The following NLRP2 variants were observed in gnomAD, a reference collection of about 807,000 sequenced individuals.
NLRP2 encodes the protein NLR family pyrin domain containing 2.
Under a neutral mutation model 97.2 loss-of-function variants are expected in NLRP2, and 107 were observed. The ratio of observed to expected loss-of-function variants is 1.10; its 90% confidence interval spans 0.94 to 1.29. The LOEUF is 1.29. Among genes scored for constraint, NLRP2 ranks in the 50% most tolerant of loss-of-function variants. The probability of loss-of-function intolerance (pLI) is 0.00; values close to 1 mark genes in which losing one functional copy is unlikely to be tolerated. For missense variants in NLRP2, 1,495 were observed against 1,330.3 expected, an observed-to-expected ratio of 1.12 and a Z score of -1.93; for synonymous variants, 663 against 551.5, an observed-to-expected ratio of 1.20 and a Z score of -2.83.
In NLRP2 at chr19:54,994,405, T is replaced by G; in HGVS notation, c.2845T>G (p.Leu949Val). The change falls in exon 11 of 13, where the codon TTG (leucine) becomes GTG (valine). Residue 949 changes from leucine (L) to valine (V), a missense_variant. Physicochemically the swap from Leu to Val is conservative, Grantham distance 32 (BLOSUM62 1). Transcript: ENST00000448584. ...VKGMKFLCEA[L>V]RKPLCNLRCL... ...GGGAATGAAGTTCCTGTGTGAGGCT[T>G]TGAGGAAACCACTGTGCAACTTGAG... 1.9e-6 allele frequency: 3 copies of G among 1,613,416 alleles called. No individual in the cohort carries two copies. Among genetic ancestry groups the G allele is most frequent in the Non-Finnish European group, 2.5e-6 (3 of 1,180,034 alleles).
At chr19:54,984,427 A>G (rs1190896097) in intron 6 of NLRP2, among the ~76,000 whole-genome samples, 2 of 133,748 alleles carry the variant, frequency 1.5e-5, no homozygotes, top group East Asian at 4.4e-4. Context: ...GGCATGAGTT[A>G]CCACACGCCC....
rs1044701142 is a variant in NLRP2, at chr19:54,966,825, CTTTTTTTTTTTTTTTT to C, written c.-18+369_-18+384del. On this transcript the variant is annotated intron_variant, in intron 1 of 12. Transcript: ENST00000448584. Reference sequence around the variant, plus strand: ...ACAGGCGTGAGCCACCGCGCCCAGCCTTTTTTTTTTTTTTTTTTTTTTTTTTCTTCTCTTTTTTGAG... The same window carrying C: ...ACAGGCGTGAGCCACCGCGCCCAGCCTTTTTTTTTTCTTCTCTTTTTTGAG... Among the ~76,000 whole-genome samples the C allele has an allele frequency of 8.7e-3, 654 of 75,012 alleles. 7 individuals are homozygous for C. Among genetic ancestry groups the C allele is most frequent in the African/African-American group, 0.036 (627 of 17,444 alleles). The allele number at this position is 75,012 out of a possible 152,430, so 49.2% of individuals were successfully genotyped here. A position where few individuals can be genotyped will look rare whatever the true frequency, so the allele number is the denominator to read the frequency against.
rs572288840 is a variant in NLRP2, at chr19:54,979,991, G to A, written c.398-1626G>A. 9.2e-5 allele frequency among the ~76,000 whole-genome samples: 14 copies of A among 151,458 alleles called. No individual in the cohort carries two copies. The South Asian group carries it at 2.9e-3, about 32-fold the overall frequency. ...AGGGTTTCACCGTGTTAGTCAGGATGGTCTGGATCTCCTAACCTCGTGATC... is the reference window on the plus strand; with the variant it reads ...AGGGTTTCACCGTGTTAGTCAGGATAGTCTGGATCTCCTAACCTCGTGATC... On this transcript the variant is annotated intron_variant, in intron 4 of 12. Coordinates refer to ENST00000448584, the MANE Select transcript of NLRP2 (RefSeq NM_017852.5).
chr19:54,981,959 G>A (rs969892164), intron 5 of NLRP2, among the ~76,000 whole-genome samples: 4 of 152,046 alleles, frequency 2.6e-5, no homozygotes, highest in African/African-American at 9.7e-5. Context: ...TTTATTTTTA[G>A]TAGAGACAAG....
chr19:54,977,926 C>T (rs1176042530), intron 4 of NLRP2, 103 bp downstream of exon 4: 21 of 1,068,800 alleles, frequency 2.0e-5, no homozygotes, highest in African/African-American at 3.1e-5. Flanking sequence ...CCAATCTTTT[C>T]CTCCACTATT....
chr19:54,988,729 C>T (rs754893327), intron 8 of NLRP2, among the ~76,000 whole-genome samples: 9 of 152,038 alleles, frequency 5.9e-5, no homozygotes, highest in African/African-American at 9.7e-5. Flanking sequence ...CATGTTGTTC[C>T]GGCTGGTCTT....
chr19:54,968,713 T>TTTTTTTTTTTTTTA (rs1454134577), intron 1 of NLRP2, among the ~76,000 whole-genome samples: 1 of 135,664 alleles, frequency 7.4e-6, no homozygotes, highest in African/African-American at 2.7e-5. Flanking sequence ...TTTTTTTTTT[T>TTTTTTTTTTTTTTA]GAGACAGTTT....
In NLRP2 at chr19:54,967,098, C is replaced by T. The variant is rs985907268; in HGVS notation, c.-18+631C>T. On this transcript the variant is annotated intron_variant, in intron 1 of 12. Coordinates refer to ENST00000448584, the MANE Select transcript of NLRP2 (RefSeq NM_017852.5). The stretch of plus-strand genomic sequence containing the variant: ...CCGAAGCTGGTCTCTAACTCCTGGG[C>T]TCAAGCGATCTTCCTGCCTCAGACT... Among the ~76,000 whole-genome samples the T allele has an allele frequency of 2.7e-5, 4 of 150,378 alleles. No individual in the cohort carries two copies. The Admixed American group carries it at 2.7e-4, about 10-fold the overall frequency.
chr19:54,974,306 A>G lies in NLRP2; in HGVS notation c.281-194A>G. The G allele has an allele frequency of 7.9e-6, 5 of 633,094 alleles. 1 individual carries two copies. The highest frequency in any genetic ancestry group is 1.1e-5 in the Non-Finnish European group (4 of 357,620). The allele number at this position is 633,094 out of a possible 1,614,324, so 39.2% of individuals were successfully genotyped here. A position where few individuals can be genotyped will look rare whatever the true frequency, so the allele number is the denominator to read the frequency against. On this transcript the variant is annotated intron_variant, in intron 2 of 12. Coordinates refer to ENST00000448584, the MANE Select transcript of NLRP2 (RefSeq NM_017852.5). ...GAGGCAGAGGTTGCAGTGAGCCAAGATTGTGCCACTCCAGCCTGGGCAACA... is the reference window on the plus strand; with the variant it reads ...GAGGCAGAGGTTGCAGTGAGCCAAGGTTGTGCCACTCCAGCCTGGGCAACA...
At chr19:54,974,962 G>A (rs1235664012) in intron 3 of NLRP2, among the ~76,000 whole-genome samples, 1 of 151,814 alleles carries the variant, frequency 6.6e-6, no homozygotes, top group East Asian at 1.9e-4. Context: ...ACCAGGCCCG[G>A]CTAATTTTTT....
chr19:54,974,146 G>A (rs890181609), intron 2 of NLRP2: 1 of 638,232 alleles, frequency 1.6e-6, no homozygotes, highest in Non-Finnish European at 2.9e-6. Flanking sequence ...ACAAGGTCAG[G>A]AGTCTGAGAC....
At chr19:54,973,346 T>TTA (rs1347269517) in intron 2 of NLRP2, among the ~76,000 whole-genome samples, 2 of 135,804 alleles carry the variant, frequency 1.5e-5, no homozygotes, top group Non-Finnish European at 3.1e-5. Context: ...GGGTGAGGGT[T>TTA]TTTTTTTTTT....
Position 54,983,692 on chromosome 19 carries a change from ATGTCACTGCGTC to A in NLRP2, c.1997_2008del (p.Val666_Ser669del). ...GTAATAAAGGAGAATCTCCCGGAGA[ATGTCACTGCGTC>A]TGAATCAGACGCCGAGGTTGAGAGG... On this transcript the variant is annotated inframe_deletion, in exon 6 of 13. Transcript: ENST00000448584. The A allele has an allele frequency of 5.6e-6, 9 of 1,613,530 alleles. No individual in the cohort carries two copies. The highest frequency in any genetic ancestry group is 7.6e-6 in the Non-Finnish European group (9 of 1,180,014).
chr19:55,000,225 T>G (rs952840532), intron 12 of NLRP2, among the ~76,000 whole-genome samples: 2 of 139,438 alleles, frequency 1.4e-5, no homozygotes, highest in African/African-American at 5.3e-5. Context: ...TGCAGTGAGC[T>G]GAGATGGTAC....
rs540241222 is a variant in NLRP2 at position 54,987,893 on chromosome 19, A to G, written c.2366+1578A>G. Among the ~76,000 whole-genome samples the G allele has an allele frequency of 1.1e-3, 161 of 151,638 alleles. 3 individuals carry two copies. Among genetic ancestry groups the G allele is most frequent in the Admixed American group, 3.8e-3 (58 of 15,186 alleles). ...CCACGTCTACTAAAAATACAAAAACATTAGCTGGGCATGGTGGCGCGTGCC... is the reference window on the plus strand; with the variant it reads ...CCACGTCTACTAAAAATACAAAAACGTTAGCTGGGCATGGTGGCGCGTGCC... On this transcript the variant is annotated intron_variant, in intron 8 of 12. Coordinates refer to ENST00000448584, the MANE Select transcript of NLRP2 (RefSeq NM_017852.5).
At position 54,982,448 on chromosome 19, in the gene NLRP2, C is replaced by A; in HGVS notation, c.750C>A (p.Leu250=). Residue 250 remains leucine, a synonymous_variant, in exon 6 of 13, where the codon CTC becomes CTA. Coordinates refer to ENST00000448584, the MANE Select transcript of NLRP2 (RefSeq NM_017852.5). ...CGTTCTACCTCAGCTGCAGGGAGCT[C>A]AGCCGCCTGGGCCCGTGCAGTTTTG... ...KYAFYLSCRE[L]SRLGPCSFAE... is the part of the protein sequence containing the mutation. The A allele has an allele frequency of 6.2e-7, 1 of 1,614,194 alleles. No homozygotes were observed. Among genetic ancestry groups the A allele is most frequent in the Non-Finnish European group, 8.5e-7 (1 of 1,180,034 alleles).
Position 54,984,329 on chromosome 19 carries a change from G to GTGTGTGTTTTTTTTTTTTTTTTTTT in NLRP2, c.2030+602_2030+603insGTGTGTTTTTTTTTTTTTTTTTTTT. ...AACTTAAGTGGGGGTTTTTTTTTGT[G>GTGTGTGTTTTTTTTTTTTTTTTTTT]TTTTTTTTTTTTTTTTTTTTTTTGG... On this transcript the variant is annotated intron_variant, in intron 6 of 12. Coordinates refer to ENST00000448584, the MANE Select transcript of NLRP2 (RefSeq NM_017852.5). Among the ~76,000 whole-genome samples the GTGTGTGTTTTTTTTTTTTTTTTTTT allele has an allele frequency of 1.4e-4, 11 of 79,672 alleles. 1 individual carries two copies. The highest frequency in any genetic ancestry group is 4.5e-4 in the Admixed American group (3 of 6,618). 52.3% of individuals were successfully genotyped at this position (79,672 alleles called of 152,430 possible).
chr19:54,969,101 C>T (rs1218984163), intron 1 of NLRP2, among the ~76,000 whole-genome samples: 1 of 152,086 alleles, frequency 6.6e-6, no homozygotes. Flanking sequence ...TATGCTTGTC[C>T]TTTCATTGTT....
chr19:55,000,276 T>TC, intron 12 of NLRP2, among the ~76,000 whole-genome samples: 1 of 32,928 alleles, frequency 3.0e-5, no homozygotes, highest in Non-Finnish European at 6.8e-5. Flanking sequence ...CTGTCTTTTT[T>TC]TTTTTTTTTT....
Sources: allele counts gnomAD v4.1 joint callset (sites outside exome capture counted in the v4.1 genomes callset), GRCh38; gene constraint gnomAD v4.1.1; transcripts MANE v1.5; gene names NCBI Gene and HGNC (gene_info 2026-07-23, HGNC 2026-07-21).